The following OPCML variants were observed in gnomAD, a reference collection of about 807,000 sequenced individuals.
OPCML encodes opioid binding protein/cell adhesion molecule like.
In OPCML, 13 loss-of-function variants were observed where a neutral mutation model predicts 37.8. The observed-to-expected ratio is 0.34, with a 90% CI of 0.22 to 0.55. The LOEUF is 0.55. Ranked by LOEUF, OPCML falls within the 20% of genes least tolerant of loss-of-function variation. The probability of loss-of-function intolerance (pLI) is 0.91; values close to 1 mark genes in which losing one functional copy is unlikely to be tolerated. For missense variants in OPCML, 341 were observed against 435.6 expected, an observed-to-expected ratio of 0.78 and a Z score of 1.93; for synonymous variants, 176 against 168.8, an observed-to-expected ratio of 1.04 and a Z score of -0.33.
intron 1 of OPCML, among the ~76,000 whole-genome samples, chr11:133,524,648 G>A (rs892597909): frequency 2.0e-5 from 3 of 152,380 alleles, no homozygotes; most frequent in African/African-American, 7.2e-5. Context: ...GTCGCAGTGT[G>A]CGATGTGAGA....
At chr11:132,499,309 C>A (rs1280058887) in intron 4 of OPCML, among the ~76,000 whole-genome samples, 2 of 152,218 alleles carry the variant, frequency 1.3e-5, no homozygotes, top group Non-Finnish European at 2.9e-5. Context: ...GGGCCAAGAG[C>A]AGCAGAGCTG....
Position 132,503,559 on chromosome 11 carries a change from A to G in OPCML, c.505+25502T>C, listed in dbSNP as rs535239475. On this transcript the variant is annotated intron_variant, in intron 4 of 7. Transcript: ENST00000524381. ...AAGAATGAAAAAAAGTATCAATATT[A>G]TAACTGAGGAACTCTAAAAATTTAA... is the stretch of plus-strand genomic sequence containing the variant. Among the ~76,000 whole-genome samples the G allele has an allele frequency of 2.6e-5, 4 of 152,344 alleles. No individual in the cohort carries two copies. The East Asian group carries it at 7.7e-4, about 29-fold the overall frequency.
chr11:133,311,891 C>T (rs1464461141), intron 1 of OPCML, among the ~76,000 whole-genome samples: 1 of 152,114 alleles, frequency 6.6e-6, no homozygotes, highest in Non-Finnish European at 1.5e-5. Flanking sequence ...CAGTGCTTCT[C>T]CACCAAGAGC....
chr11:132,921,542 C>T (rs1944802235), intron 2 of OPCML, among the ~76,000 whole-genome samples: 1 of 152,216 alleles, frequency 6.6e-6, no homozygotes, highest in Non-Finnish European at 1.5e-5. Flanking sequence ...ACAGATCCTT[C>T]ATCCAAGTAT....
chr11:132,905,048 T>C (rs778156218), intron 2 of OPCML, among the ~76,000 whole-genome samples: 1 of 152,112 alleles, frequency 6.6e-6, no homozygotes, highest in Non-Finnish European at 1.5e-5. Flanking sequence ...TATTTCACCG[T>C]AGTGCTAAAC....
At chr11:132,776,476 T>A (rs186590901) in intron 2 of OPCML, among the ~76,000 whole-genome samples, 1 of 152,250 alleles carries the variant, frequency 6.6e-6, no homozygotes, top group African/African-American at 2.4e-5. Flanking sequence ...ATGGTGCAGA[T>A]CCCTTGTGAA....
At chr11:132,923,047 C>G (rs1944862370) in intron 2 of OPCML, among the ~76,000 whole-genome samples, 1 of 151,286 alleles carries the variant, frequency 6.6e-6, no homozygotes, top group African/African-American at 2.4e-5. Flanking sequence ...GCACTCCAGC[C>G]TGGGTGACAG....
chr11:133,212,509 C>T lies in OPCML; in HGVS notation c.62-269499G>A, dbSNP rs1565507542. 1.3e-5 allele frequency among the ~76,000 whole-genome samples: 2 copies of T among 152,192 alleles called. No homozygotes were observed. ...TGCTCCATTGTCTCATCTTCCAGAA[C>T]GCCGACCCTCGGCACCCTATTGAAG... On this transcript the variant is annotated intron_variant, in intron 1 of 7. Transcript: ENST00000524381. This position sits in a 1 kb window ranked among gnomAD's most constrained non-coding sequence, Gnocchi z 4.9.
intron 2 of OPCML, among the ~76,000 whole-genome samples, chr11:132,803,496 T>G (rs976201341): frequency 3.3e-5 from 5 of 152,150 alleles, no homozygotes; most frequent in African/African-American, 1.2e-4. Flanking sequence ...TAGTACTTAA[T>G]GGTGAATATT....
chr11:133,271,412 A>G (rs1200638722), intron 1 of OPCML, among the ~76,000 whole-genome samples: 1 of 152,224 alleles, frequency 6.6e-6, no homozygotes. Context: ...AACTGAAAAC[A>G]TGAAGGTAGA....
At chr11:132,492,814 A>C (rs2096220299) in intron 4 of OPCML, among the ~76,000 whole-genome samples, 2 of 152,218 alleles carry the variant, frequency 1.3e-5, no homozygotes, top group African/African-American at 4.8e-5. Flanking sequence ...TAATTTCCAG[A>C]AGAGTGCCTG....
chr11:133,065,383 G>A (rs1948425200), intron 1 of OPCML: 1 of 152,228 alleles, frequency 6.6e-6, no homozygotes, highest in Non-Finnish European at 1.5e-5. Context: ...GTGCTCCAGG[G>A]CAGAGGCACC....
chr11:133,314,092 G>T (rs951719835), intron 1 of OPCML, among the ~76,000 whole-genome samples: 3 of 145,968 alleles, frequency 2.1e-5, no homozygotes, highest in Non-Finnish European at 1.5e-5. Flanking sequence ...AAAATTAGCC[G>T]GGCGTAGTGG....
intron 2 of OPCML, among the ~76,000 whole-genome samples, chr11:132,713,022 C>T (rs1008088626): frequency 6.6e-6 from 1 of 152,096 alleles, no homozygotes; most frequent in African/African-American, 2.4e-5. Context: ...GCTTTCCACA[C>T]CCCAACACAG....
At chr11:133,333,388 GA>G (rs146046958) in intron 1 of OPCML, among the ~76,000 whole-genome samples, 30,117 of 148,684 alleles carry the variant, frequency 0.2, 3,592 homozygotes, top group East Asian at 0.56. Context: ...CAAGCAATGG[GA>G]AAAAAAAAAC....
At chr11:133,216,760 G>C (rs541769950) in intron 1 of OPCML, among the ~76,000 whole-genome samples, 2 of 152,258 alleles carry the variant, frequency 1.3e-5, no homozygotes, top group South Asian at 4.1e-4. Context: ...ATGTAATAAT[G>C]TGTACGTACA....
intron 1 of OPCML, among the ~76,000 whole-genome samples, chr11:133,458,847 G>GTGTGTGTGTATATACACATAGATA (rs759641206): frequency 0.029 from 3,961 of 135,078 alleles, 392 homozygotes; most frequent in African/African-American, 0.091. Context: ...ACACATAGAT[G>GTGTGTGTGTATATACACATAGATA]CACGTGTGTG....
intron 1 of OPCML, among the ~76,000 whole-genome samples, chr11:133,123,857 A>G (rs985907469): frequency 6.6e-6 from 1 of 152,138 alleles, no homozygotes; most frequent in African/African-American, 2.4e-5. Flanking sequence ...TCAACGTTCC[A>G]TGTCATCTGA....
At chr11:133,049,874 G>T (rs780922242) in intron 1 of OPCML, among the ~76,000 whole-genome samples, 1 of 152,226 alleles carries the variant, frequency 6.6e-6, no homozygotes, top group Non-Finnish European at 1.5e-5. Flanking sequence ...CCCTCAGGAG[G>T]GTGGGAGGGC....
Sources: allele counts gnomAD v4.1 joint callset (sites outside exome capture counted in the v4.1 genomes callset), GRCh38; gene constraint gnomAD v4.1.1; non-coding constraint Gnocchi (gnomAD v3.1); transcripts MANE v1.5; gene names NCBI Gene and HGNC (gene_info 2026-07-23, HGNC 2026-07-21).